Variants in ATG4A observed in about 807,000 individuals in gnomAD.
ATG4A encodes cysteine protease ATG4A.
A neutral mutation model predicts 38.4 loss-of-function variants in ATG4A; 22 were observed. The ratio of observed to expected loss-of-function variants is 0.57; its 90% CI spans 0.41 to 0.82. The LOEUF (loss-of-function observed/expected upper bound fraction) is 0.82, where lower values mean the gene tolerates loss of function less well. Among genes scored for constraint, ATG4A ranks in the 40% least tolerant of loss-of-function variants. The pLI is 0.00. For missense variants in ATG4A, 220 were observed against 290.0 expected (o/e 0.76, Z 1.75); for synonymous variants, 86 against 100.7 (o/e 0.85, Z 0.88).
upstream of ATG4A, chrX:108,091,713 T>C (rs2031627790): frequency 9.5e-7 from 1 of 1,054,125 alleles, no homozygotes; most frequent in African/African-American, 1.8e-5. Context: ...GCGCCTTTGC[T>C]GCCCTCACAG....
At chrX:108,141,071 CAT>C (rs139918190) in intron 9 of ATG4A, among the ~76,000 whole-genome samples, 3,424 of 34,811 alleles carry the variant, frequency 0.098, 137 homozygotes, top group African/African-American at 0.15. Flanking sequence ...TATATATATA[CAT>C]ATATATATAT....
Position 108,099,937 on chromosome X carries a change from C to T in ATG4A, c.10+8101C>T, listed in dbSNP as rs765617494. Among the ~76,000 whole-genome samples the T allele has an allele frequency of 2.7e-5, 3 of 111,319 alleles. No individual in the cohort carries two copies. The South Asian group carries it at 1.1e-3, about 41-fold the overall frequency. Reference sequence around the variant, plus strand: ...CCTAGTTTATTGTTTTCAATATTGCCTGTTCCTTTAACTTTCCCTATAAAT... The same window carrying T: ...CCTAGTTTATTGTTTTCAATATTGCTTGTTCCTTTAACTTTCCCTATAAAT... On this transcript the variant is annotated intron_variant, in intron 1 of 12. Transcript: ENST00000372232.
intron 3 of ATG4A, among the ~76,000 whole-genome samples, chrX:108,130,265 G>T (rs1428404060): frequency 9.0e-6 from 1 of 111,166 alleles, no homozygotes. Context: ...TTTGAAGTTA[G>T]TCTTCTGAGA....
intron 11 of ATG4A, among the ~76,000 whole-genome samples, chrX:108,152,228 CTTTTA>C (rs976303897): frequency 1.8e-5 from 2 of 111,615 alleles, no homozygotes; most frequent in African/African-American, 6.5e-5. Flanking sequence ...AAGACTATGC[CTTTTA>C]TTTTATTTTA....
At chrX:108,131,767 G>A (rs919312147) in intron 4 of ATG4A, among the ~76,000 whole-genome samples, 1 of 112,279 alleles carries the variant, frequency 8.9e-6, no homozygotes, top group African/African-American at 3.2e-5. Context: ...TGACCTAAAG[G>A]AAGTGCATAG....
chrX:108,112,397 T>G (rs1215865614), intron 1 of ATG4A, among the ~76,000 whole-genome samples: 2 of 104,907 alleles, frequency 1.9e-5, no homozygotes, highest in Non-Finnish European at 3.9e-5. Flanking sequence ...TTCCCTGACT[T>G]TTTTTTTTTT....
At position 108,154,523 on chromosome X, in the gene ATG4A, G is replaced by A. The variant is rs1032993086; in HGVS notation, c.*811G>A. ...AGCAATAGACAATATGCGTGTAAAT[G>A]AGTGTGGCTGTAATCCAAGAAAACT... On this transcript the variant is annotated 3_prime_UTR_variant, in exon 13 of 13. Transcript: ENST00000372232. 3 of 112,767 alleles carry A rather than the reference G, an allele frequency of 2.7e-5. No individual in the cohort carries two copies. The highest frequency in any genetic ancestry group is 9.7e-5 in the African/African-American group (3 of 31,019). 9.3% of individuals were successfully genotyped at this position (112,767 alleles called of 1,213,427 possible). A position where few individuals can be genotyped will look rare whatever the true frequency, so the allele number is the denominator to read the frequency against.
At chrX:108,151,724 A>G (rs2033592158) in intron 10 of ATG4A, 78 bp from the exon 11 acceptor site, 2 of 1,030,672 alleles carry the variant, frequency 1.9e-6, no homozygotes, top group East Asian at 6.1e-5. Context: ...ACTGGCCCAC[A>G]TCCTAATTCT....
intron 6 of ATG4A, among the ~76,000 whole-genome samples, chrX:108,135,246 A>C (rs1206837518): frequency 8.9e-6 from 1 of 112,411 alleles, no homozygotes; most frequent in Admixed American, 9.4e-5. Context: ...CCTGGCATGC[A>C]TAAGTACTCA....
intron 1 of ATG4A, among the ~76,000 whole-genome samples, chrX:108,111,574 A>G (rs1422135433): frequency 1.8e-5 from 2 of 111,795 alleles, no homozygotes; most frequent in Admixed American, 1.9e-4. Flanking sequence ...TTGGATGAAG[A>G]AACTCAAATT....
chrX:108,099,157 T>C (rs1296083352), intron 1 of ATG4A, among the ~76,000 whole-genome samples: 2 of 112,042 alleles, frequency 1.8e-5, no homozygotes, highest in Non-Finnish European at 3.8e-5. Flanking sequence ...CATTTGGTAT[T>C]CTCACTATTT....
At chrX:108,097,915 G>A (rs2031876775) in intron 1 of ATG4A, among the ~76,000 whole-genome samples, 1 of 112,052 alleles carries the variant, frequency 8.9e-6, no homozygotes, top group East Asian at 2.8e-4. Flanking sequence ...GTTGCCAGTT[G>A]CTTGGTTTAA....
upstream of ATG4A, among the ~76,000 whole-genome samples, chrX:108,090,395 G>A (rs1269035828): frequency 4.5e-5 from 5 of 111,997 alleles, no homozygotes; most frequent in Non-Finnish European, 9.4e-5. Flanking sequence ...TGACTTGACT[G>A]AAGAATGGTT....
At chrX:108,147,178 C>T (rs766735195) in intron 9 of ATG4A, among the ~76,000 whole-genome samples, 3 of 111,507 alleles carry the variant, frequency 2.7e-5, no homozygotes, top group Non-Finnish European at 5.7e-5. Flanking sequence ...CATTATCTTG[C>T]CTGGCAACTG....
chrX:108,121,783 G>A (rs1197673675), intron 1 of ATG4A, among the ~76,000 whole-genome samples: 1 of 112,021 alleles, frequency 8.9e-6, no homozygotes, highest in Admixed American at 9.5e-5. Flanking sequence ...AAAAGCTTTT[G>A]GAAGGTGGAG....
chrX:108,142,468 T>G (rs1285136706), intron 9 of ATG4A, among the ~76,000 whole-genome samples: 1 of 109,703 alleles, frequency 9.1e-6, no homozygotes, highest in African/African-American at 3.3e-5. Context: ...TATATATGTG[T>G]GAATATATAT....
At chrX:108,143,013 A>G (rs947791400) in intron 9 of ATG4A, among the ~76,000 whole-genome samples, 1 of 111,939 alleles carries the variant, frequency 8.9e-6, no homozygotes, top group Non-Finnish European at 1.9e-5. Context: ...ACATAATACA[A>G]CTATCCTTCG....
At chrX:108,150,861 C>T (rs1167023219) in intron 10 of ATG4A, among the ~76,000 whole-genome samples, 3 of 112,338 alleles carry the variant, frequency 2.7e-5, no homozygotes, top group African/African-American at 6.5e-5. Flanking sequence ...TCACTAACTA[C>T]GCACTTAGGA....
At chrX:108,089,441 C>G (rs2031537935), upstream of ATG4A, among the ~76,000 whole-genome samples, 1 of 112,309 alleles carries the variant, frequency 8.9e-6, no homozygotes, top group African/African-American at 3.2e-5. Flanking sequence ...GTTCATTAAA[C>G]TAGTTGAAAT....
Sources: gnomAD v4.1 joint callset for allele counts (sites outside exome capture counted in the v4.1 genomes callset) on GRCh38, gnomAD v4.1.1 for gene constraint, MANE v1.5 for transcripts, NCBI Gene and HGNC (gene_info 2026-07-23, HGNC 2026-07-21) for gene names.